Variants in PHF2 observed in about 807,000 individuals in gnomAD.
PHF2 encodes the protein lysine-specific demethylase PHF2.
In PHF2, 27 loss-of-function variants were observed where a neutral mutation model predicts 120.5. That is an observed-to-expected ratio of 0.22 (90% CI 0.17 to 0.31). The LOEUF (loss-of-function observed/expected upper bound fraction) is 0.31, where lower values mean the gene tolerates loss of function less well. PHF2 is among the 10% of genes least tolerant of loss of function. PHF2 has a pLI of 1.00. For missense variants in PHF2, 1,024 were observed against 1,434.8 expected (o/e 0.71, Z 4.63); for synonymous variants, 568 against 592.5 (o/e 0.96, Z 0.60).
At chr9:93,637,436 C>G (rs530033352) in intron 3 of PHF2, among the ~76,000 whole-genome samples, 1 of 152,278 alleles carries the variant, frequency 6.6e-6, no homozygotes, top group African/African-American at 2.4e-5. Context: ...AAATAAATCC[C>G]ATAACCTTTA....
rs941105542 is a variant in PHF2 at position 93,656,121 on chromosome 9, C to T, written c.1040+100C>T. The T allele has an allele frequency of 3.2e-6, 3 of 941,708 alleles. No individual in the cohort carries two copies. Among genetic ancestry groups the T allele is most frequent in the African/African-American group, 3.3e-5 (2 of 61,466 alleles). 58.3% of individuals were successfully genotyped at this position (941,708 alleles called of 1,614,324 possible). On this transcript the variant is annotated intron_variant, in intron 8 of 21. Coordinates refer to ENST00000359246, the MANE Select transcript of PHF2 (RefSeq NM_005392.4). The surrounding 1 kb of genome is among the most constrained non-coding windows in gnomAD (Gnocchi z 4.1). ...GCCTTGGGCTGAGTCCTGGCACAGC[C>T]CGCCTGTGGGTGGCCTGGACATGAC...
intron 4 of PHF2, among the ~76,000 whole-genome samples, chr9:93,647,712 A>G (rs950475458): frequency 1.3e-5 from 2 of 152,180 alleles, no homozygotes; most frequent in African/African-American, 4.8e-5. Flanking sequence ...CAACATGGCA[A>G]AACCCCGTCT....
At chr9:93,640,592 C>A (rs1826158863) in intron 3 of PHF2, among the ~76,000 whole-genome samples, 1 of 152,058 alleles carries the variant, frequency 6.6e-6, no homozygotes, top group South Asian at 2.1e-4. Flanking sequence ...GTTTACATTA[C>A]CCATATGTTC....
intron 20 of PHF2, 43 bp downstream of exon 20, chr9:93,675,832 T>C (rs756189013): frequency 6.8e-7 from 1 of 1,473,890 alleles, no homozygotes; most frequent in Non-Finnish European, 9.4e-7. Flanking sequence ...AGGTCCCTGC[T>C]ACCCCCACCT....
At chr9:93,670,867 GA>G (rs1440171189) in intron 17 of PHF2, among the ~76,000 whole-genome samples, 1 of 152,154 alleles carries the variant, frequency 6.6e-6, no homozygotes, top group Non-Finnish European at 1.5e-5. Context: ...GGCGCTATGG[GA>G]GGGGCCACCT....
chr9:93,591,530 G>A (rs547771270), intron 1 of PHF2, among the ~76,000 whole-genome samples: 1 of 152,346 alleles, frequency 6.6e-6, no homozygotes, highest in African/African-American at 2.4e-5. Context: ...AAGCTGCACA[G>A]TGAGTTAGGG....
intron 3 of PHF2, among the ~76,000 whole-genome samples, chr9:93,645,361 C>A (rs961920238): frequency 6.6e-6 from 1 of 152,234 alleles, no homozygotes; most frequent in East Asian, 1.9e-4. Flanking sequence ...GAAGGACAGG[C>A]CCTTGTCACC....
At chr9:93,582,313 C>G (rs558422650) in intron 1 of PHF2, among the ~76,000 whole-genome samples, 1 of 152,322 alleles carries the variant, frequency 6.6e-6, no homozygotes, top group South Asian at 2.1e-4. Flanking sequence ...CTGCTCGTGT[C>G]CATGGTTTCA....
intron 2 of PHF2, among the ~76,000 whole-genome samples, chr9:93,632,588 G>A (rs1826019968): frequency 6.6e-6 from 1 of 152,176 alleles, no homozygotes. Context: ...TATGGTGGAA[G>A]GAAGGAGGCA....
intron 1 of PHF2, among the ~76,000 whole-genome samples, chr9:93,625,609 C>T (rs1190281493): frequency 6.6e-6 from 1 of 150,948 alleles, no homozygotes; most frequent in African/African-American, 2.4e-5. Flanking sequence ...TCCTGAGTAG[C>T]TAGGGCCACA....
At position 93,654,463 on chromosome 9, in the gene PHF2, G is replaced by C. The variant is rs1385657295; in HGVS notation, c.840G>C (p.Leu280=). The change falls in exon 7 of 22, where the codon CTG becomes CTC. Residue 280 remains leucine, a synonymous_variant. Transcript: ENST00000359246. ...GGCCGGCCTCGGCCAACATCTCCCT[G>C]TATGAGCGCTGGCGGTCTGCCTCTA... ...LIRPASANIS[L]YERWRSASNH... The C allele has an allele frequency of 1.9e-6, 3 of 1,613,928 alleles. No individual in the cohort carries two copies. The highest frequency in any genetic ancestry group is 2.5e-6 in the Non-Finnish European group (3 of 1,180,036).
intron 1 of PHF2, among the ~76,000 whole-genome samples, chr9:93,615,272 GTGA>G (rs1825712080): frequency 2.7e-5 from 4 of 150,938 alleles, no homozygotes; most frequent in Admixed American, 2.0e-4. Flanking sequence ...ATTGGTGATG[GTGA>G]TGATAGTAAT....
At position 93,677,595 on chromosome 9, in the gene PHF2, T is replaced by A; in HGVS notation, c.3210T>A (p.Arg1070=). ...PNNNTAAKGK[R]TKKGMATAKQ... is the part of the protein sequence containing the mutation. ...CCTCCCCGACTCCCCTAGGAAAACG[T>A]ACGAAAAAGGGCATGGCGACCGCCA... Residue 1070 remains arginine, a synonymous_variant, in exon 22 of 22, where the codon CGT becomes CGA. Coordinates refer to ENST00000359246, the MANE Select transcript of PHF2 (RefSeq NM_005392.4). The surrounding 1 kb of genome is among the most constrained non-coding windows in gnomAD (Gnocchi z 4.4). The A allele has an allele frequency of 6.2e-7, 1 of 1,613,150 alleles. No individual in the cohort carries two copies. The highest frequency in any genetic ancestry group is 8.5e-7 in the Non-Finnish European group (1 of 1,179,710).
intron 3 of PHF2, 87 bp downstream of exon 3, chr9:93,636,612 G>A: frequency 3.0e-6 from 3 of 984,374 alleles, no homozygotes; most frequent in Non-Finnish European, 4.6e-6. Context: ...CATTGCTGGG[G>A]GCTTCCTTTG....
intron 1 of PHF2, among the ~76,000 whole-genome samples, chr9:93,611,277 TG>T (rs1825629126): frequency 6.6e-6 from 1 of 151,660 alleles, no homozygotes; most frequent in Admixed American, 6.6e-5. Flanking sequence ...TAGACAGGCG[TG>T]GTGGTGTGTG....
At chr9:93,588,769 T>C (rs1863113598) in intron 1 of PHF2, among the ~76,000 whole-genome samples, 1 of 152,162 alleles carries the variant, frequency 6.6e-6, no homozygotes, top group Non-Finnish European at 1.5e-5. Flanking sequence ...TGGGTGCCTG[T>C]AATCCTAGCT....
At chr9:93,653,070 C>A in intron 5 of PHF2, 109 bp from the exon 6 acceptor site, 2 of 965,444 alleles carry the variant, frequency 2.1e-6, no homozygotes, top group Non-Finnish European at 3.1e-6. Flanking sequence ...CCGTGGCCCG[C>A]AGGTGGTGAG....
At chr9:93,662,087 ATGGATGAACAAATGGGTGGG>A (rs1826578955) in intron 12 of PHF2, among the ~76,000 whole-genome samples, 1 of 151,402 alleles carries the variant, frequency 6.6e-6, no homozygotes, top group African/African-American at 2.4e-5. Context: ...GGATGAATGG[ATGGATGAACAAATGGGTGGG>A]TGGATGAATA....
intron 20 of PHF2, 60 bp downstream of exon 20, chr9:93,675,849 C>A: frequency 7.6e-7 from 1 of 1,316,980 alleles, no homozygotes; most frequent in Non-Finnish European, 1.1e-6. Context: ...ACCTGGTGGG[C>A]TCAGGTTCCC....
Sources: allele counts gnomAD v4.1 joint callset (sites outside exome capture counted in the v4.1 genomes callset), GRCh38; gene constraint gnomAD v4.1.1; non-coding constraint Gnocchi (gnomAD v3.1); transcripts MANE v1.5; gene names NCBI Gene and HGNC (gene_info 2026-07-23, HGNC 2026-07-21).